Variants in COX16 observed in about 807,000 individuals in gnomAD.
COX16 encodes the protein cytochrome c oxidase assembly protein COX16 homolog, mitochondrial.
COX16 carries 12 observed loss-of-function variants against 15.4 expected under a neutral mutation model. The ratio of observed to expected loss-of-function variants is 0.78; its 90% CI spans 0.50 to 1.26. The LOEUF (loss-of-function observed/expected upper bound fraction) is 1.26, where lower values mean the gene tolerates loss of function less well. Ranked by LOEUF, COX16 falls within the 50% of genes most tolerant of loss-of-function variation. The pLI is 0.00. For synonymous variants in COX16, 46 were observed against 41.1 expected (o/e 1.12, Z -0.46); for missense variants, 124 against 127.6 (o/e 0.97, Z 0.14).
At chr14:70,331,338 A>C (rs1260907917) in intron 2 of COX16, among the ~76,000 whole-genome samples, 1 of 150,994 alleles carries the variant, frequency 6.6e-6, no homozygotes, top group Non-Finnish European at 1.5e-5. Context: ...TTTGTTTATC[A>C]AAAGATACCA....
rs1308687954 is a variant in COX16, at chr14:70,325,263, T to TA, written c.*1069dup. On this transcript the variant is annotated 3_prime_UTR_variant, in exon 4 of 4. Coordinates refer to ENST00000389912, the MANE Select transcript of COX16 (RefSeq NM_016468.7). Reference sequence around the variant, plus strand: ...AGGTAGAAGCTGATAAAGGCAGGGGTAAAAAGGAGAAAATGAGTTCAAAAC... The same window carrying TA: ...AGGTAGAAGCTGATAAAGGCAGGGGTAAAAAAGGAGAAAATGAGTTCAAAAC... The TA allele has an allele frequency of 6.6e-6, 1 of 151,506 alleles. No homozygotes were observed. The highest frequency in any genetic ancestry group is 2.4e-5 in the African/African-American group (1 of 41,176). 9.4% of individuals were successfully genotyped at this position (151,506 alleles called of 1,614,324 possible).
intron 1 of COX16, among the ~76,000 whole-genome samples, chr14:70,354,386 G>A (rs1023514851): frequency 6.6e-6 from 1 of 152,168 alleles, no homozygotes; most frequent in Non-Finnish European, 1.5e-5. Flanking sequence ...GAGGGCTGGG[G>A]CTTTGAGCTA....
At chr14:70,349,944 C>A (rs190527294) in intron 1 of COX16, among the ~76,000 whole-genome samples, 1 of 152,170 alleles carries the variant, frequency 6.6e-6, no homozygotes, top group Non-Finnish European at 1.5e-5. Flanking sequence ...CCTGATACAA[C>A]GACATGGTGG....
At chr14:70,328,176 C>T (rs1188707328) in intron 3 of COX16, 4 of 147,550 alleles carry the variant, frequency 2.7e-5, no homozygotes, top group Non-Finnish European at 5.9e-5. Context: ...CCCAACAAAG[C>T]TTAAAGCCAA....
intron 1 of COX16, among the ~76,000 whole-genome samples, chr14:70,351,270 T>A (rs1886945893): frequency 6.6e-6 from 1 of 152,232 alleles, no homozygotes; most frequent in South Asian, 2.1e-4. Context: ...ACACTCTCCC[T>A]TTAATACAAA....
At chr14:70,332,686 T>A (rs533027697) in intron 2 of COX16, among the ~76,000 whole-genome samples, 1 of 152,212 alleles carries the variant, frequency 6.6e-6, no homozygotes, top group South Asian at 2.1e-4. Flanking sequence ...ACTACCCCAC[T>A]GATGCAGTGA....
rs1886046956 is a variant in COX16, at chr14:70,325,731, T to C, written c.*602A>G. 1 of 152,242 alleles carries C rather than the reference T, an allele frequency of 6.6e-6. No homozygotes were observed. Among genetic ancestry groups the C allele is most frequent in the Non-Finnish European group, 1.5e-5 (1 of 68,034 alleles). 9.4% of individuals were successfully genotyped at this position (152,242 alleles called of 1,614,324 possible). A position where few individuals can be genotyped will look rare whatever the true frequency, so the allele number is the denominator to read the frequency against. ...CTGCTTATAATCATACACTACTTCATAATTTTTGACAACCATAAATAATAT... is the reference window on the plus strand; with the variant it reads ...CTGCTTATAATCATACACTACTTCACAATTTTTGACAACCATAAATAATAT... On this transcript the variant is annotated 3_prime_UTR_variant, in exon 4 of 4. Transcript: ENST00000389912.
chr14:70,339,382 C>A (rs1360306903), intron 2 of COX16, among the ~76,000 whole-genome samples: 1 of 152,188 alleles, frequency 6.6e-6, no homozygotes, highest in Non-Finnish European at 1.5e-5. Context: ...TTTGCACATC[C>A]ATTACTGAGA....
chr14:70,348,060 T>C (rs759995066), intron 1 of COX16, among the ~76,000 whole-genome samples: 3 of 151,864 alleles, frequency 2.0e-5, no homozygotes, highest in Non-Finnish European at 4.4e-5. Context: ...ACGTGTAGAG[T>C]TGCACTAGGT....
intron 1 of COX16, among the ~76,000 whole-genome samples, chr14:70,355,300 T>C (rs1163254312): frequency 6.6e-6 from 1 of 152,172 alleles, no homozygotes; most frequent in Non-Finnish European, 1.5e-5. Flanking sequence ...TTCCCTCATA[T>C]CTGGTTTTTC....
intron 1 of COX16, among the ~76,000 whole-genome samples, chr14:70,354,913 C>T (rs1016183237): frequency 1.3e-5 from 2 of 151,668 alleles, no homozygotes; most frequent in South Asian, 2.1e-4. Flanking sequence ...AGAATCCACA[C>T]TCCTAACTAA....
chr14:70,354,715 C>T (rs1169111305), intron 1 of COX16, among the ~76,000 whole-genome samples: 1 of 152,070 alleles, frequency 6.6e-6, no homozygotes, highest in Non-Finnish European at 1.5e-5. Context: ...GTATAGTATT[C>T]TCCTGAGTTC....
chr14:70,358,776 T>C (rs1887208579), intron 1 of COX16, among the ~76,000 whole-genome samples: 6 of 152,180 alleles, frequency 3.9e-5, no homozygotes, highest in Admixed American at 3.9e-4. Flanking sequence ...TGGCCCGTAA[T>C]CAAAAAGCAA....
chr14:70,337,042 T>C (rs952427741), intron 2 of COX16, among the ~76,000 whole-genome samples: 14 of 152,024 alleles, frequency 9.2e-5, no homozygotes, highest in African/African-American at 3.1e-4. Flanking sequence ...GGTAAACCCA[T>C]AGGATAAGAA....
intron 2 of COX16, among the ~76,000 whole-genome samples, chr14:70,332,641 G>T (rs913609804): frequency 1.3e-5 from 2 of 152,206 alleles, no homozygotes. Flanking sequence ...AGGCAGCTCA[G>T]TCTCAGCTTC....
rs772894736 is a variant in COX16, at chr14:70,326,467, A to C, written c.205-18T>G. 1 of 1,556,580 alleles carries C rather than the reference A, an allele frequency of 6.4e-7. No homozygotes were observed. Among genetic ancestry groups the C allele is most frequent in the South Asian group, 1.2e-5 (1 of 81,296 alleles). ...TTGATTTTCTATAGAACCACAAAAA[A>C]TTAAAGTATAAATATTAGTATAAGA... On this transcript the variant is annotated intron_variant, in intron 3 of 3. Transcript: ENST00000389912.
chr14:70,359,090 C>G (rs778698914), intron 1 of COX16: 1 of 428,284 alleles, frequency 2.3e-6, no homozygotes, highest in Non-Finnish European at 4.7e-6. Flanking sequence ...TGGAATACAT[C>G]TAGTCCCAAT....
intron 2 of COX16, among the ~76,000 whole-genome samples, chr14:70,332,284 C>T (rs1331702372): frequency 6.6e-6 from 1 of 152,254 alleles, no homozygotes; most frequent in Non-Finnish European, 1.5e-5. Flanking sequence ...GGAGACTCAA[C>T]ATATCTGGCA....
intron 1 of COX16, among the ~76,000 whole-genome samples, chr14:70,352,375 CG>C (rs1276101316): frequency 1.3e-5 from 2 of 151,828 alleles, no homozygotes; most frequent in Non-Finnish European, 2.9e-5. Flanking sequence ...TCACTAGATA[CG>C]GGGTTTCACC....
Sources: allele counts gnomAD v4.1 joint callset (sites outside exome capture counted in the v4.1 genomes callset), GRCh38; gene constraint gnomAD v4.1.1; transcripts MANE v1.5; gene names NCBI Gene and HGNC (gene_info 2026-07-23, HGNC 2026-07-21).